The following LPGAT1 variants were observed in gnomAD, a reference collection of about 807,000 sequenced individuals.
The protein encoded by LPGAT1 is lysophosphatidylglycerol acyltransferase 1.
Under a neutral mutation model 47.5 loss-of-function variants are expected in LPGAT1, and 11 were observed. That is an observed-to-expected ratio of 0.23 (90% CI 0.15 to 0.38). LPGAT1 has a LOEUF of 0.38. Ranked by LOEUF, LPGAT1 falls within the 10% of genes least tolerant of loss-of-function variation. The probability of loss-of-function intolerance (pLI) is 1.00; values close to 1 mark genes in which losing one functional copy is unlikely to be tolerated. For missense variants in LPGAT1, 293 were observed against 439.0 expected, an observed-to-expected ratio of 0.67 and a Z score of 2.97; for synonymous variants, 138 against 144.2, an observed-to-expected ratio of 0.96 and a Z score of 0.31.
At chr1:211,754,619 C>T (rs1177405433) in intron 6 of LPGAT1, among the ~76,000 whole-genome samples, 1 of 152,214 alleles carries the variant, frequency 6.6e-6, no homozygotes, top group Non-Finnish European at 1.5e-5. Flanking sequence ...GGGCCTACCA[C>T]TTATCATTCT....
intron 5 of LPGAT1, among the ~76,000 whole-genome samples, chr1:211,781,920 T>A (rs760154789): frequency 1.3e-5 from 2 of 152,192 alleles, no homozygotes; most frequent in Non-Finnish European, 2.9e-5. Flanking sequence ...TGCCTTTTCC[T>A]GGTGAGAAGG....
intron 6 of LPGAT1, among the ~76,000 whole-genome samples, chr1:211,770,560 G>A (rs1203856084): frequency 5.9e-5 from 9 of 152,162 alleles, no homozygotes; most frequent in African/African-American, 1.7e-4. Flanking sequence ...AATGGTTCCC[G>A]TAGATTATAA....
At chr1:211,753,188 T>A (rs577791020) in intron 6 of LPGAT1, among the ~76,000 whole-genome samples, 2 of 152,318 alleles carry the variant, frequency 1.3e-5, no homozygotes, top group South Asian at 4.1e-4. Flanking sequence ...CTAAATCGAA[T>A]AGAATGTTAA....
intron 4 of LPGAT1, among the ~76,000 whole-genome samples, chr1:211,784,804 CTTT>C (rs11393776): frequency 3.0e-5 from 4 of 133,272 alleles, no homozygotes; most frequent in Non-Finnish European, 4.8e-5. Context: ...AAGGTTCTTT[CTTT>C]TTTTTTTTTT....
intron 6 of LPGAT1, among the ~76,000 whole-genome samples, chr1:211,751,430 C>A (rs1462079189): frequency 1.3e-5 from 2 of 152,136 alleles, no homozygotes; most frequent in African/African-American, 4.8e-5. Flanking sequence ...TTTTAAAATG[C>A]AGTTAAATCA....
intron 6 of LPGAT1, among the ~76,000 whole-genome samples, chr1:211,754,584 T>G (rs1390221845): frequency 6.6e-6 from 1 of 152,236 alleles, no homozygotes; most frequent in Non-Finnish European, 1.5e-5. Context: ...CTGAAAGATC[T>G]AAGATGATTT....
chr1:211,791,539 G>A (rs1659108261), intron 3 of LPGAT1, among the ~76,000 whole-genome samples: 2 of 152,254 alleles, frequency 1.3e-5, no homozygotes, highest in South Asian at 4.1e-4. Flanking sequence ...GAGGCCAGGA[G>A]TTTGAGACCA....
rs962755179 is a variant in LPGAT1 at position 211,769,746 on chromosome 1, T to C, written c.854+9172A>G. Reference sequence around the variant, plus strand: ...TAAACTGTCATGGTGCTGGCAGGAGTGTAGCAGTGAGGAAAACCAGAGGTC... The same window carrying C: ...TAAACTGTCATGGTGCTGGCAGGAGCGTAGCAGTGAGGAAAACCAGAGGTC... On this transcript the variant is annotated intron_variant, in intron 6 of 7. Coordinates refer to ENST00000366997, the MANE Select transcript of LPGAT1 (RefSeq NM_014873.3). 7.2e-5 allele frequency among the ~76,000 whole-genome samples: 11 copies of C among 152,026 alleles called. No homozygotes were observed. The East Asian group carries it at 1.9e-3, about 27-fold the overall frequency.
Position 211,830,593 on chromosome 1 carries a change from G to T in LPGAT1, c.-48C>A. The T allele has an allele frequency of 8.8e-7, 1 of 1,134,998 alleles. No homozygotes were observed. Among genetic ancestry groups the T allele is most frequent in the Non-Finnish European group, 1.1e-6 (1 of 929,562 alleles). The allele number at this position is 1,134,998 out of a possible 1,614,324, so 70.3% of individuals were successfully genotyped here. A position where few individuals can be genotyped will look rare whatever the true frequency, so the allele number is the denominator to read the frequency against. ...GTTACCTCGGGCTGGCCGGGCCCCA[G>T]CCGGGGCTTTGGGAGTCAGAGGAGC... On this transcript the variant is annotated 5_prime_UTR_variant, in exon 1 of 8. In the 5' UTR this introduces an upstream ATG that the reference lacks. Coordinates refer to ENST00000366997, the MANE Select transcript of LPGAT1 (RefSeq NM_014873.3). The surrounding 1 kb of genome is among the most constrained non-coding windows in gnomAD (Gnocchi z 5.9).
At chr1:211,773,956 T>C (rs1237219374) in intron 6 of LPGAT1, among the ~76,000 whole-genome samples, 1 of 152,040 alleles carries the variant, frequency 6.6e-6, no homozygotes, top group Non-Finnish European at 1.5e-5. Context: ...ATAAATAATA[T>C]TGGTAAGAAA....
intron 2 of LPGAT1, among the ~76,000 whole-genome samples, chr1:211,816,800 G>C (rs1363273539): frequency 1.3e-5 from 2 of 152,090 alleles, no homozygotes; most frequent in African/African-American, 4.8e-5. Context: ...TAAGCAACTA[G>C]CTCAAAGATA....
chr1:211,762,155 A>G (rs1225342313), intron 6 of LPGAT1, among the ~76,000 whole-genome samples: 1 of 152,232 alleles, frequency 6.6e-6, no homozygotes. Context: ...GCTAAAAGAG[A>G]TCTCAAAATA....
chr1:211,826,060 G>A (rs1375595065), intron 2 of LPGAT1, among the ~76,000 whole-genome samples: 1 of 152,126 alleles, frequency 6.6e-6, no homozygotes, highest in African/African-American at 2.4e-5. Flanking sequence ...TTTAAAATGT[G>A]TAACTTAAAG....
chr1:211,754,340 G>C (rs1305362978), intron 6 of LPGAT1, among the ~76,000 whole-genome samples: 1 of 152,160 alleles, frequency 6.6e-6, no homozygotes, highest in Non-Finnish European at 1.5e-5. Flanking sequence ...ATGGTATAAG[G>C]TTGGCTCCTG....
intron 2 of LPGAT1, among the ~76,000 whole-genome samples, chr1:211,796,308 G>T (rs1028737468): frequency 3.3e-5 from 5 of 152,068 alleles, no homozygotes; most frequent in Admixed American, 6.6e-5. Context: ...CTGGATTAGG[G>T]TGGGCCCTAA....
rs371833380 is a variant in LPGAT1 at position 211,830,035 on chromosome 1, G to A, written c.-28+538C>T. ...AAGGAACTGGGGATGAAGAGAATGA[G>A]ATTTCCGACCAGAGGGCAAGGAAGC... On this transcript the variant is annotated intron_variant, in intron 1 of 7. Transcript: ENST00000366997. This position sits in a 1 kb window ranked among gnomAD's most constrained non-coding sequence, Gnocchi z 5.9. 1 of 985,708 alleles carries A rather than the reference G, an allele frequency of 1.0e-6. No homozygotes were observed. Among genetic ancestry groups the A allele is most frequent in the East Asian group, 1.1e-4 (1 of 8,818 alleles). The allele number at this position is 985,708 out of a possible 1,614,324, so 61.1% of individuals were successfully genotyped here.
chr1:211,750,618 T>A (rs1657138255), intron 7 of LPGAT1, among the ~76,000 whole-genome samples: 1 of 152,208 alleles, frequency 6.6e-6, no homozygotes, highest in African/African-American at 2.4e-5. Flanking sequence ...AACACTGACA[T>A]TATTTTTAAA....
intron 2 of LPGAT1, among the ~76,000 whole-genome samples, chr1:211,801,072 C>A (rs1434900582): frequency 6.6e-6 from 1 of 152,212 alleles, no homozygotes; most frequent in Non-Finnish European, 1.5e-5. Context: ...TACAAATCAA[C>A]ATTTTAATCT....
At chr1:211,758,617 G>A (rs1657562827) in intron 6 of LPGAT1, among the ~76,000 whole-genome samples, 1 of 151,986 alleles carries the variant, frequency 6.6e-6, no homozygotes, top group African/African-American at 2.4e-5. Context: ...GCAGGAGAAT[G>A]GCATGAACCC....
Sources: allele counts gnomAD v4.1 joint callset (sites outside exome capture counted in the v4.1 genomes callset), GRCh38; gene constraint gnomAD v4.1.1; non-coding constraint Gnocchi (gnomAD v3.1); transcripts MANE v1.5; gene names NCBI Gene and HGNC (gene_info 2026-07-23, HGNC 2026-07-21).